Variants in SMIM36 observed in about 807,000 individuals in gnomAD.
The protein encoded by SMIM36 is small integral membrane protein 36.
At chr17:55,491,728 C>T (rs543863694) in intron 1 of SMIM36, among the ~76,000 whole-genome samples, 1 of 152,276 alleles carries the variant, frequency 6.6e-6, no homozygotes, top group Admixed American at 6.5e-5. Flanking sequence ...CTGCAGTGGC[C>T]AGCCTTTAAT....
At chr17:55,462,777 G>C (rs1225289928) in intron 4 of SMIM36, among the ~76,000 whole-genome samples, 1 of 152,138 alleles carries the variant, frequency 6.6e-6, no homozygotes, top group Non-Finnish European at 1.5e-5. Flanking sequence ...CTGTGGGTTA[G>C]AATGCACAAT....
At position 55,471,682 on chromosome 17, in the gene SMIM36, G is replaced by A. The variant is rs191661473; in HGVS notation, c.*348-4354C>T. On this transcript the variant is annotated intron_variant, in intron 3 of 4. Coordinates refer to ENST00000636752, the Ensembl canonical transcript of SMIM36. ...ATTCTTCCTTTCACTCTTTCGAAAA[G>A]GCCCTGGAGACAGTTCCTACACTAG... Among the ~76,000 whole-genome samples, 1,132 of 152,260 alleles carry A rather than the reference G, an allele frequency of 7.4e-3. 5 individuals carry two copies. The highest frequency in any genetic ancestry group is 0.013 in the Non-Finnish European group (881 of 68,020).
At chr17:55,510,659 A>C (rs1910163303) in intron 1 of SMIM36, among the ~76,000 whole-genome samples, 1 of 152,114 alleles carries the variant, frequency 6.6e-6, no homozygotes, top group Non-Finnish European at 1.5e-5. Flanking sequence ...CAAAGAATAG[A>C]CTAGACTGGA....
intron 1 of SMIM36, among the ~76,000 whole-genome samples, chr17:55,501,401 T>TTATAGAATATAATATATTATA (rs1462289068): frequency 3.9e-4 from 7 of 18,170 alleles, no homozygotes; most frequent in Admixed American, 1.1e-3. Flanking sequence ...ATATTATATA[T>TTATAGAATATAATATATTATA]TATTATATAT....
the SMIM36 span, among the ~76,000 whole-genome samples, chr17:55,528,770 C>T: frequency 6.6e-6 from 1 of 152,022 alleles, no homozygotes; most frequent in African/African-American, 2.4e-5. Context: ...ACGCTGGTCT[C>T]GAACTCCTAA....
At chr17:55,471,043 A>G (rs1470537874) in intron 3 of SMIM36, among the ~76,000 whole-genome samples, 3 of 152,082 alleles carry the variant, frequency 2.0e-5, no homozygotes, top group South Asian at 2.1e-4. Flanking sequence ...ACACCCTCCT[A>G]TCTTCAATAC....
intron 4 of SMIM36, among the ~76,000 whole-genome samples, chr17:55,451,045 C>T (rs1192757386): frequency 6.6e-6 from 1 of 152,150 alleles, no homozygotes; most frequent in Non-Finnish European, 1.5e-5. Flanking sequence ...CGCCACCACG[C>T]CTGGCTAATT....
chr17:55,483,195 A>G lies in SMIM36; in HGVS notation c.*175-3615T>C, dbSNP rs145661110. ...TGTCTAGCGTGAAAACCAGCAGAAC[A>G]TTCAGAAATTACAAATTCAAATGTT... On this transcript the variant is annotated intron_variant, in intron 1 of 4. Coordinates refer to ENST00000636752, the Ensembl canonical transcript of SMIM36. Among the ~76,000 whole-genome samples the G allele has an allele frequency of 3.6e-3, 553 of 152,324 alleles. 5 individuals are homozygous for G. Among genetic ancestry groups the G allele is most frequent in the African/African-American group, 0.013 (535 of 41,558 alleles).
upstream of SMIM36, among the ~76,000 whole-genome samples, chr17:55,513,804 A>G (rs1910222075): frequency 6.6e-6 from 1 of 152,220 alleles, no homozygotes. Flanking sequence ...GATCTGCTCT[A>G]TTGAGTGGAG....
chr17:55,526,932 G>C, the SMIM36 span: 1 of 152,128 alleles, frequency 6.6e-6, no homozygotes, highest in Non-Finnish European at 1.5e-5. Context: ...CTCAACGGTG[G>C]CTCTACTCCC....
At chr17:55,503,855 G>T (rs898620285) in intron 1 of SMIM36, among the ~76,000 whole-genome samples, 1 of 133,686 alleles carries the variant, frequency 7.5e-6, no homozygotes, top group Admixed American at 7.4e-5. Flanking sequence ...ACACACATAG[G>T]CTCAAAATAA....
In SMIM36 at chr17:55,485,154, T is replaced by G. The variant is rs112606703; in HGVS notation, c.*175-5574A>C. On this transcript the variant is annotated intron_variant, in intron 1 of 4. Transcript: ENST00000636752. ...TTAAAATATTTTATTAAAGGATAGATTAGGCTAATATGGCAAAATCTTGAT... is the reference window on the plus strand; with the variant it reads ...TTAAAATATTTTATTAAAGGATAGAGTAGGCTAATATGGCAAAATCTTGAT... Among the ~76,000 whole-genome samples, 947 of 152,320 alleles carry G rather than the reference T, an allele frequency of 6.2e-3. 3 individuals carry two copies. The highest frequency in any genetic ancestry group is 0.011 in the Non-Finnish European group (737 of 68,026).
intron 1 of SMIM36, among the ~76,000 whole-genome samples, chr17:55,486,120 C>A (rs941846097): frequency 6.6e-6 from 1 of 151,022 alleles, no homozygotes; most frequent in Admixed American, 6.6e-5. Context: ...AATGCAACCT[C>A]GCCTCCCGGG....
At chr17:55,498,940 AG>A (rs1343223902) in intron 1 of SMIM36, among the ~76,000 whole-genome samples, 1 of 132,890 alleles carries the variant, frequency 7.5e-6, no homozygotes, top group Non-Finnish European at 1.6e-5. Flanking sequence ...CAGAGGTTGC[AG>A]TGAGCCGAGA....
At chr17:55,498,002 T>C (rs1173104941) in intron 1 of SMIM36, among the ~76,000 whole-genome samples, 1 of 152,158 alleles carries the variant, frequency 6.6e-6, no homozygotes, top group African/African-American at 2.4e-5. Flanking sequence ...CCTCACACTT[T>C]TGGAAAGTCT....
At chr17:55,502,019 C>A (rs1303443784) in intron 1 of SMIM36, among the ~76,000 whole-genome samples, 2 of 151,752 alleles carry the variant, frequency 1.3e-5, no homozygotes, top group Admixed American at 1.3e-4. Context: ...TTCAGACCGG[C>A]TTAAAAAACG....
At chr17:55,474,304 C>G (rs1909390998) in intron 3 of SMIM36, among the ~76,000 whole-genome samples, 1 of 152,202 alleles carries the variant, frequency 6.6e-6, no homozygotes, top group South Asian at 2.1e-4. Context: ...GTGGCTTAGG[C>G]CTGTCCTGTG....
intron 3 of SMIM36, among the ~76,000 whole-genome samples, chr17:55,472,835 C>A (rs1218922587): frequency 6.7e-6 from 1 of 148,168 alleles, no homozygotes; most frequent in Non-Finnish European, 1.5e-5. Flanking sequence ...CCACTGTACT[C>A]CAGCCTGGGA....
At chr17:55,501,245 GTAT>G (rs1323096386) in intron 1 of SMIM36, among the ~76,000 whole-genome samples, 1 of 11,998 alleles carries the variant, frequency 8.3e-5, no homozygotes, top group Admixed American at 1.2e-3. Context: ...ATATAATATA[GTAT>G]TATATTTTAT....
Sources: gnomAD v4.1 joint callset for allele counts (sites outside exome capture counted in the v4.1 genomes callset) on GRCh38, gnomAD v4.1.1 for gene constraint, MANE v1.5 for transcripts, NCBI Gene and HGNC (gene_info 2026-07-23, HGNC 2026-07-21) for gene names.